Variants in INPP4B observed in about 807,000 individuals in gnomAD.
INPP4B encodes the protein inositol polyphosphate 4-phosphatase type II.
INPP4B carries 55 observed loss-of-function variants against 122.5 expected under a neutral mutation model. That is an observed-to-expected ratio of 0.45 (90% confidence interval 0.36 to 0.56). The LOEUF (loss-of-function observed/expected upper bound fraction) is 0.56. Among genes scored for constraint, INPP4B ranks in the 20% least tolerant of loss-of-function variants. The pLI, the probability that INPP4B is intolerant of heterozygous loss-of-function variation, is 0.00. For missense variants in INPP4B, 1,000 were observed against 1,097.7 expected (o/e 0.91, Z 1.26); for synonymous variants, 403 against 388.7 (o/e 1.04, Z -0.43).
chr4:142,449,570 C>A (rs979208817), intron 3 of INPP4B, among the ~76,000 whole-genome samples: 1 of 151,922 alleles, frequency 6.6e-6, no homozygotes, highest in Non-Finnish European at 1.5e-5. Flanking sequence ...GGTGTGGTGG[C>A]GCATGCCTGT....
At chr4:142,734,386 A>G (rs80226754) in intron 1 of INPP4B, among the ~76,000 whole-genome samples, 7,369 of 152,204 alleles carry the variant, frequency 0.048, 242 homozygotes, top group African/African-American at 0.087. Flanking sequence ...ACTAATACAC[A>G]TTTATATAAA....
intron 7 of INPP4B, among the ~76,000 whole-genome samples, chr4:142,374,258 A>G (rs1791016154): frequency 6.6e-6 from 1 of 151,978 alleles, no homozygotes; most frequent in Admixed American, 6.6e-5. Flanking sequence ...AAGTCTGGAT[A>G]TAAACCCTGA....
intron 1 of INPP4B, among the ~76,000 whole-genome samples, chr4:142,798,046 CAATAGAAA>C (rs1205885637): frequency 6.6e-6 from 1 of 151,658 alleles, no homozygotes; most frequent in Non-Finnish European, 1.5e-5. Flanking sequence ...ACTGGAGCAT[CAATAGAAA>C]AATCTCAAAT....
chr4:142,537,433 G>GT (rs1828391502), intron 2 of INPP4B, among the ~76,000 whole-genome samples: 1 of 28,780 alleles, frequency 3.5e-5, no homozygotes, highest in Non-Finnish European at 7.5e-5. Context: ...TATATATAGA[G>GT]AGAGAGAGAG....
At chr4:142,103,983 T>TA (rs903241057) in intron 23 of INPP4B, among the ~76,000 whole-genome samples, 13 of 151,918 alleles carry the variant, frequency 8.6e-5, no homozygotes, top group South Asian at 4.2e-4. Flanking sequence ...TAGAACAGGT[T>TA]AAAAAAAAGC....
intron 2 of INPP4B, among the ~76,000 whole-genome samples, chr4:142,611,637 CTTTTTTTTTTTTT>C (rs34482115): frequency 1.5e-5 from 1 of 65,236 alleles, no homozygotes; most frequent in Non-Finnish European, 2.6e-5. Flanking sequence ...TTTCTTTTTT[CTTTTTTTTTTTTT>C]TTTTTTTTTT....
chr4:142,456,294 G>A (rs1052148960), intron 3 of INPP4B, among the ~76,000 whole-genome samples: 1 of 151,988 alleles, frequency 6.6e-6, no homozygotes, highest in Non-Finnish European at 1.5e-5. Context: ...GGTCTTAGAT[G>A]TAAATCTTTA....
intron 9 of INPP4B, among the ~76,000 whole-genome samples, chr4:142,283,380 T>A (rs1326169271): frequency 6.6e-6 from 1 of 152,096 alleles, no homozygotes; most frequent in Non-Finnish European, 1.5e-5. Flanking sequence ...CGTTGGATAT[T>A]AGAGTCAGGA....
intron 2 of INPP4B, among the ~76,000 whole-genome samples, chr4:142,525,186 G>A (rs1402414118): frequency 1.3e-5 from 2 of 151,936 alleles, no homozygotes; most frequent in Non-Finnish European, 2.9e-5. Flanking sequence ...TACAAGGGAT[G>A]TGAAGGACCT....
At chr4:142,155,660 A>G (rs1816788159) in intron 17 of INPP4B, among the ~76,000 whole-genome samples, 1 of 152,144 alleles carries the variant, frequency 6.6e-6, no homozygotes, top group African/African-American at 2.4e-5. Flanking sequence ...AATTCAAAAA[A>G]TTGCAGCCTC....
intron 2 of INPP4B, among the ~76,000 whole-genome samples, chr4:142,682,403 A>G (rs1381350276): frequency 6.6e-6 from 1 of 151,830 alleles, no homozygotes; most frequent in Non-Finnish European, 1.5e-5. Flanking sequence ...CTTTTTTTGA[A>G]GACTGTCATT....
chr4:142,214,794 C>T (rs944271847), intron 12 of INPP4B, among the ~76,000 whole-genome samples: 1 of 152,184 alleles, frequency 6.6e-6, no homozygotes, highest in Non-Finnish European at 1.5e-5. Context: ...CTCAGGTGAT[C>T]CACCCGTCTC....
intron 3 of INPP4B, among the ~76,000 whole-genome samples, chr4:142,459,303 A>C (rs1560681369): frequency 2.0e-5 from 3 of 152,230 alleles, no homozygotes; most frequent in Admixed American, 1.3e-4. Flanking sequence ...AAAAAAAAAA[A>C]AACAAAGGTG....
rs549456375 is a variant in INPP4B at position 142,390,308 on chromosome 4, G to A, written c.372+12630C>T. ...TTGTTTCCCTTTGAATAAACTATCAGAAAAAGAAGGGAAAGGCAAGAGTTT... is the reference window on the plus strand; with the variant it reads ...TTGTTTCCCTTTGAATAAACTATCAAAAAAAGAAGGGAAAGGCAAGAGTTT... On this transcript the variant is annotated intron_variant, in intron 7 of 25. Transcript: ENST00000262992. Among the ~76,000 whole-genome samples, 25 of 152,204 alleles carry A rather than the reference G, an allele frequency of 1.6e-4. No homozygotes were observed. In the East Asian group the frequency reaches 2.5e-3, roughly 15 times the overall value.
intron 23 of INPP4B, among the ~76,000 whole-genome samples, chr4:142,102,075 T>C (rs1172754806): frequency 2.0e-5 from 3 of 152,078 alleles, no homozygotes; most frequent in Non-Finnish European, 1.5e-5. Context: ...GGAGTCCTTT[T>C]ACTTTTTATA....
chr4:142,442,723 A>G (rs1015314285), intron 3 of INPP4B, among the ~76,000 whole-genome samples: 2 of 152,182 alleles, frequency 1.3e-5, no homozygotes, highest in Non-Finnish European at 2.9e-5. Context: ...GGAAATTTAC[A>G]TGTCTCCATG....
rs545198367 is a variant in INPP4B at position 142,146,109 on chromosome 4, T to C, written c.1564-113A>G. On this transcript the variant is annotated intron_variant, in intron 17 of 25. Coordinates refer to ENST00000262992, the MANE Select transcript of INPP4B (RefSeq NM_001101669.3). The stretch of plus-strand genomic sequence containing the variant: ...GGAAGGGTAGTCATTAGAATGCAGA[T>C]TGAGTAGCTCTAAATTCCCATTAAT... 23 of 1,147,034 alleles carry C rather than the reference T, an allele frequency of 2.0e-5. No individual in the cohort carries two copies. The South Asian group carries it at 2.8e-4, about 14-fold the overall frequency. 71.1% of individuals were successfully genotyped at this position (1,147,034 alleles called of 1,614,324 possible). A position where few individuals can be genotyped will look rare whatever the true frequency, so the allele number is the denominator to read the frequency against.
Position 142,343,746 on chromosome 4 carries a change from G to A in INPP4B, c.373-28984C>T, listed in dbSNP as rs562206769. ...ATAGTTAGCTATTAGTGATAACTCA[G>A]CCACTAACTAATCGTAACTTTAGTC... is the stretch of plus-strand genomic sequence containing the variant. On this transcript the variant is annotated intron_variant, in intron 7 of 25. Coordinates refer to ENST00000262992, the MANE Select transcript of INPP4B (RefSeq NM_001101669.3). Among the ~76,000 whole-genome samples, 4 of 152,000 alleles carry A rather than the reference G, an allele frequency of 2.6e-5. No individual in the cohort carries two copies. The South Asian group carries it at 8.3e-4, about 32-fold the overall frequency.
At chr4:142,257,771 T>C (rs1048412904) in intron 11 of INPP4B, among the ~76,000 whole-genome samples, 6 of 152,128 alleles carry the variant, frequency 3.9e-5, no homozygotes, top group Admixed American at 1.3e-4. Context: ...AAAATGGCCA[T>C]ACTGCCCAAG....
Sources: gnomAD v4.1 joint callset for allele counts (sites outside exome capture counted in the v4.1 genomes callset) on GRCh38, gnomAD v4.1.1 for gene constraint, MANE v1.5 for transcripts, NCBI Gene and HGNC (gene_info 2026-07-23, HGNC 2026-07-21) for gene names.